The following PDE4D variants were observed in gnomAD, a reference collection of about 807,000 sequenced individuals.
PDE4D encodes the protein phosphodiesterase 4D.
In PDE4D, 24 loss-of-function variants were observed where a neutral mutation model predicts 87.4. That is an observed-to-expected ratio of 0.27 (90% CI 0.20 to 0.39). PDE4D has a LOEUF of 0.39. PDE4D is among the 10% of genes least tolerant of loss of function. The pLI, the probability that PDE4D is intolerant of heterozygous loss-of-function variation, is 1.00. For missense variants in PDE4D, 714 were observed against 1,041.0 expected (o/e 0.69, Z 4.32); for synonymous variants, 384 against 383.2 (o/e 1.00, Z -0.02).
At chr5:60,327,558 A>C (rs6874388) in intron 1 of PDE4D, among the ~76,000 whole-genome samples, 13,332 of 152,110 alleles carry the variant, frequency 0.088, 1,922 homozygotes, top group African/African-American at 0.31. Flanking sequence ...CCATCCTTCA[A>C]TATTAAATAA....
At chr5:59,307,834 C>T (rs902602498) in intron 1 of PDE4D, among the ~76,000 whole-genome samples, 35 of 152,102 alleles carry the variant, frequency 2.3e-4, no homozygotes, top group South Asian at 4.1e-4. Flanking sequence ...CTAGAAATAC[C>T]ATTTGACCCA....
intron 1 of PDE4D, among the ~76,000 whole-genome samples, chr5:59,245,821 C>T (rs757255526): frequency 2.0e-5 from 3 of 151,902 alleles, no homozygotes; most frequent in Non-Finnish European, 4.4e-5. Flanking sequence ...CAGAAAATGC[C>T]ACTAAACTGC....
chr5:59,273,418 C>T (rs903655593), intron 1 of PDE4D, among the ~76,000 whole-genome samples: 1 of 144,842 alleles, frequency 6.9e-6, no homozygotes, highest in Non-Finnish European at 1.6e-5. Flanking sequence ...TGATTTTATA[C>T]ATGTAATTAA....
intron 1 of PDE4D, among the ~76,000 whole-genome samples, chr5:60,447,544 GAA>G (rs1010469157): frequency 6.8e-6 from 1 of 146,888 alleles, no homozygotes; most frequent in Non-Finnish European, 1.5e-5. Flanking sequence ...AATAGCTTTT[GAA>G]AAAAAAAAGA....
chr5:59,539,496 T>C (rs1473923720), intron 1 of PDE4D, among the ~76,000 whole-genome samples: 1 of 152,162 alleles, frequency 6.6e-6, no homozygotes, highest in Non-Finnish European at 1.5e-5. Context: ...ATTACTAATA[T>C]CTGTCTACCC....
intron 1 of PDE4D, among the ~76,000 whole-genome samples, chr5:60,338,912 G>A (rs1327703385): frequency 6.6e-6 from 1 of 152,142 alleles, no homozygotes; most frequent in African/African-American, 2.4e-5. Flanking sequence ...CAGGGCATAT[G>A]TTCCAGGACC....
intron 1 of PDE4D, among the ~76,000 whole-genome samples, chr5:59,335,823 A>C (rs1425658355): frequency 6.6e-6 from 1 of 152,218 alleles, no homozygotes; most frequent in Admixed American, 6.5e-5. Flanking sequence ...CAATAATATA[A>C]ATAGTTCAAA....
intron 1 of PDE4D, among the ~76,000 whole-genome samples, chr5:60,335,460 G>C (rs1215988441): frequency 6.6e-6 from 1 of 152,192 alleles, no homozygotes; most frequent in Non-Finnish European, 1.5e-5. Context: ...TAGAAGAATG[G>C]CTCTTGGGTC....
chr5:60,136,988 A>C (rs1465892445), intron 2 of PDE4D, among the ~76,000 whole-genome samples: 1 of 151,970 alleles, frequency 6.6e-6, no homozygotes, highest in Non-Finnish European at 1.5e-5. Flanking sequence ...GAAAGGCCCC[A>C]GTGTGTATTG....
At chr5:60,074,000 A>G (rs568558517) in intron 2 of PDE4D, among the ~76,000 whole-genome samples, 1 of 152,094 alleles carries the variant, frequency 6.6e-6, no homozygotes, top group South Asian at 2.1e-4. Context: ...GATCTTTTGA[A>G]TGGCTTTTCA....
At chr5:59,011,867 T>C (rs1397593639) in intron 6 of PDE4D, among the ~76,000 whole-genome samples, 1 of 151,962 alleles carries the variant, frequency 6.6e-6, no homozygotes, top group Non-Finnish European at 1.5e-5. Context: ...TTCACCAAAG[T>C]TGAAATGAAG....
At chr5:59,163,706 T>C (rs535936187) in intron 5 of PDE4D, among the ~76,000 whole-genome samples, 1 of 152,336 alleles carries the variant, frequency 6.6e-6, no homozygotes, top group South Asian at 2.1e-4. Flanking sequence ...TGCAGTGAAC[T>C]CAGGACAGCT....
At chr5:59,781,628 A>G (rs935686512) in intron 1 of PDE4D, among the ~76,000 whole-genome samples, 66 of 151,850 alleles carry the variant, frequency 4.3e-4, no homozygotes, top group African/African-American at 1.5e-3. Flanking sequence ...TCTACTAAAA[A>G]TGCAAATATT....
chr5:59,988,556 A>T (rs1389166227), exon 3 of PDE4D: 1 of 1,599,436 alleles, frequency 6.3e-7, no homozygotes, highest in South Asian at 1.1e-5. Context: ...TTGGTCGTTG[A>T]ATGTTCTCTG....
chr5:59,225,361 T>C (rs1200633679), intron 1 of PDE4D, among the ~76,000 whole-genome samples: 4 of 152,344 alleles, frequency 2.6e-5, no homozygotes, highest in Middle Eastern at 3.4e-3. Context: ...ATTGGTTTTA[T>C]GTCTGTCTTT....
intron 1 of PDE4D, among the ~76,000 whole-genome samples, chr5:59,854,292 A>G (rs1221720988): frequency 6.6e-6 from 1 of 151,552 alleles, no homozygotes. Flanking sequence ...CATTTTTTAC[A>G]TGCCCACCTA....
intron 1 of PDE4D, among the ~76,000 whole-genome samples, chr5:59,406,419 C>T (rs1791682031): frequency 8.5e-6 from 1 of 117,922 alleles, no homozygotes; most frequent in Admixed American, 1.1e-4. Flanking sequence ...CCCATAGAGT[C>T]TTGCTCTGTC....
chr5:59,538,536 A>C (rs1815697431), intron 1 of PDE4D, among the ~76,000 whole-genome samples: 1 of 152,184 alleles, frequency 6.6e-6, no homozygotes, highest in East Asian at 1.9e-4. Flanking sequence ...TTTCCTAAGT[A>C]GCTATTTCCT....
chr5:60,175,921 C>T (rs555901470), intron 2 of PDE4D, among the ~76,000 whole-genome samples: 5 of 152,238 alleles, frequency 3.3e-5, no homozygotes, highest in East Asian at 3.9e-4. Context: ...CCCCTCACCA[C>T]GATCATTCTT....
Sources: allele counts gnomAD v4.1 joint callset (sites outside exome capture counted in the v4.1 genomes callset), GRCh38; gene constraint gnomAD v4.1.1; transcripts MANE v1.5; gene names NCBI Gene and HGNC (gene_info 2026-07-23, HGNC 2026-07-21).